Variants in WWP1 observed in about 807,000 individuals in gnomAD.
The protein encoded by WWP1 is WW domain containing E3 ubiquitin protein ligase 1, also known as NEDD4-like E3 ubiquitin-protein ligase WWP1.
WWP1 carries 49 observed loss-of-function variants against 130.6 expected under a neutral mutation model. The observed-to-expected ratio is 0.38, with a 90% CI of 0.30 to 0.48. WWP1 has a LOEUF of 0.48. Among genes scored for constraint, WWP1 ranks in the 20% least tolerant of loss-of-function variants. The pLI is 0.99. For missense variants in WWP1, 809 were observed against 1,100.6 expected, an observed-to-expected ratio of 0.74 and a Z score of 3.75; for synonymous variants, 332 against 367.8, an observed-to-expected ratio of 0.90 and a Z score of 1.11.
intron 21 of WWP1, among the ~76,000 whole-genome samples, chr8:86,453,860 G>C (rs912369304): frequency 6.6e-6 from 1 of 152,036 alleles, no homozygotes; most frequent in Non-Finnish European, 1.5e-5. Context: ...TAGGACATAG[G>C]CTGGGCATTT....
chr8:86,405,284 A>G (rs572331560), intron 8 of WWP1, among the ~76,000 whole-genome samples: 2 of 150,862 alleles, frequency 1.3e-5, no homozygotes, highest in East Asian at 3.9e-4. Flanking sequence ...TTAATCTCTT[A>G]ATCTGCAGTT....
chr8:86,378,813 A>G (rs145279263), intron 3 of WWP1, among the ~76,000 whole-genome samples: 9 of 152,280 alleles, frequency 5.9e-5, no homozygotes, highest in Admixed American at 3.3e-4. Context: ...ATGAACTCAG[A>G]GAAGAGTTAA....
intron 1 of WWP1, among the ~76,000 whole-genome samples, chr8:86,349,943 G>C (rs1326123638): frequency 6.6e-6 from 1 of 151,992 alleles, no homozygotes; most frequent in Non-Finnish European, 1.5e-5. Flanking sequence ...GGGGAGAAGG[G>C]TTTCTTGACT....
intron 9 of WWP1, among the ~76,000 whole-genome samples, chr8:86,414,776 TAAA>T: frequency 6.6e-6 from 1 of 151,998 alleles, no homozygotes; most frequent in East Asian, 1.9e-4. Flanking sequence ...GTAGATGAAA[TAAA>T]AAAATTCTGT....
chr8:86,440,707 A>G (rs1046184563), intron 17 of WWP1: 16 of 453,600 alleles, frequency 3.5e-5, no homozygotes, highest in Admixed American at 1.7e-4. Flanking sequence ...CATTTGTTCC[A>G]TTTTTCTTCA....
At position 86,380,942 on chromosome 8, in the gene WWP1, T is replaced by C. The variant is rs1824948916; in HGVS notation, c.209+78T>C. 1.6e-5 allele frequency: 22 copies of C among 1,418,630 alleles called. 2 individuals are homozygous for C. Among genetic ancestry groups the C allele is most frequent in the Middle Eastern group, 3.8e-4 (2 of 5,256 alleles). 87.9% of individuals were successfully genotyped at this position (1,418,630 alleles called of 1,614,324 possible). A position where few individuals can be genotyped will look rare whatever the true frequency, so the allele number is the denominator to read the frequency against. On this transcript the variant is annotated intron_variant, in intron 4 of 24. Transcript: ENST00000517970. ...GGAATATGTTTTTTGTTTTGTAAAA[T>C]GACTTCAAAGTAATGAGTGATTTTT...
chr8:86,362,519 A>G (rs975131019), intron 1 of WWP1, among the ~76,000 whole-genome samples: 7 of 152,074 alleles, frequency 4.6e-5, no homozygotes, highest in African/African-American at 1.7e-4. Context: ...AGAATCGGTG[A>G]CAAGCTTAGA....
At chr8:86,346,900 T>C (rs1035011310) in intron 1 of WWP1, among the ~76,000 whole-genome samples, 2 of 152,356 alleles carry the variant, frequency 1.3e-5, no homozygotes, top group African/African-American at 2.4e-5. Flanking sequence ...TATGTTAGTA[T>C]AGCATTTCAC....
intron 1 of WWP1, among the ~76,000 whole-genome samples, chr8:86,366,175 G>A (rs141632725): frequency 6.6e-6 from 1 of 152,200 alleles, no homozygotes; most frequent in Non-Finnish European, 1.5e-5. Context: ...TGCAGTGGTA[G>A]AGATTCCTAG....
At chr8:86,434,467 C>A (rs990671860) in intron 14 of WWP1, among the ~76,000 whole-genome samples, 2 of 152,164 alleles carry the variant, frequency 1.3e-5, no homozygotes, top group Non-Finnish European at 2.9e-5. Flanking sequence ...TTGCCCTCTC[C>A]TTCATGTTTT....
chr8:86,450,130 T>A (rs1286565386), intron 20 of WWP1, among the ~76,000 whole-genome samples: 1 of 152,226 alleles, frequency 6.6e-6, no homozygotes, highest in Non-Finnish European at 1.5e-5. Context: ...TTTTCCCTTC[T>A]TGTAAATTGC....
At chr8:86,423,893 C>T (rs1401058072) in intron 9 of WWP1, among the ~76,000 whole-genome samples, 69 of 132,190 alleles carry the variant, frequency 5.2e-4, no homozygotes, top group Admixed American at 5.2e-4. Flanking sequence ...GCTGGCCGGG[C>T]GGGGGCTGCC....
At chr8:86,359,312 C>A (rs1218679428) in intron 1 of WWP1, among the ~76,000 whole-genome samples, 1 of 152,086 alleles carries the variant, frequency 6.6e-6, no homozygotes, top group African/African-American at 2.4e-5. Flanking sequence ...CTATAAACAA[C>A]TCTAACAGTT....
At chr8:86,432,558 AAAAG>A (rs1810043197) in intron 14 of WWP1, among the ~76,000 whole-genome samples, 1 of 151,512 alleles carries the variant, frequency 6.6e-6, no homozygotes, top group Admixed American at 6.6e-5. Flanking sequence ...AGCAAAAAAA[AAAAG>A]AAATTACAAC....
chr8:86,444,184 G>A (rs1468459433), intron 18 of WWP1, among the ~76,000 whole-genome samples: 1 of 152,172 alleles, frequency 6.6e-6, no homozygotes, highest in Non-Finnish European at 1.5e-5. Flanking sequence ...TGGGTATATT[G>A]CGAAGTTAGA....
In WWP1 at chr8:86,342,704, G is replaced by A. The variant is rs1240829747; in HGVS notation, c.-341G>A. On this transcript the variant is annotated 5_prime_UTR_variant, in exon 1 of 25. Coordinates refer to ENST00000517970, the MANE Select transcript of WWP1 (RefSeq NM_007013.4). ...GTGGGGTCGGCTGGGGGTGGCGCGTGGACGGGGTGGGGGTGGGGGGAGGGT... is the reference window on the plus strand; with the variant it reads ...GTGGGGTCGGCTGGGGGTGGCGCGTAGACGGGGTGGGGGTGGGGGGAGGGT... 9.4e-6 allele frequency: 3 copies of A among 319,054 alleles called. No homozygotes were observed. The highest frequency in any genetic ancestry group is 1.7e-5 in the Non-Finnish European group (3 of 178,148). 19.8% of individuals were successfully genotyped at this position (319,054 alleles called of 1,614,324 possible).
chr8:86,346,102 C>G (rs1023522514), intron 1 of WWP1, among the ~76,000 whole-genome samples: 1 of 152,116 alleles, frequency 6.6e-6, no homozygotes, highest in Non-Finnish European at 1.5e-5. Flanking sequence ...TTGTGATTCT[C>G]GAGTCCTAGA....
intron 8 of WWP1, among the ~76,000 whole-genome samples, chr8:86,405,991 C>T (rs1808258232): frequency 6.6e-6 from 1 of 152,216 alleles, no homozygotes; most frequent in African/African-American, 2.4e-5. Context: ...CCACCTCCCC[C>T]ACCTCCTGTT....
intron 1 of WWP1, among the ~76,000 whole-genome samples, chr8:86,344,342 A>G (rs974741326): frequency 1.3e-5 from 2 of 152,250 alleles, no homozygotes; most frequent in African/African-American, 2.4e-5. Context: ...AGCTACCGGC[A>G]TAATACAGGA....
Sources: allele counts gnomAD v4.1 joint callset (sites outside exome capture counted in the v4.1 genomes callset), GRCh38; gene constraint gnomAD v4.1.1; transcripts MANE v1.5; gene names NCBI Gene and HGNC (gene_info 2026-07-23, HGNC 2026-07-21).